Variants in LARP4B observed in about 807,000 individuals in gnomAD.
LARP4B encodes the protein la-related protein 4B.
In LARP4B, 12 loss-of-function variants were observed where a neutral mutation model predicts 89.8. The observed-to-expected ratio is 0.13, with a 90% CI of 0.09 to 0.22. The LOEUF is 0.22. Among genes scored for constraint, LARP4B ranks in the 10% least tolerant of loss-of-function variants. LARP4B has a pLI of 1.00. For synonymous variants in LARP4B, 367 were observed against 363.3 expected, an observed-to-expected ratio of 1.01 and a Z score of -0.12; for missense variants, 757 against 947.7, an observed-to-expected ratio of 0.80 and a Z score of 2.64.
chr10:816,761 G>A (rs1311771760), intron 15 of LARP4B, among the ~76,000 whole-genome samples: 1 of 152,190 alleles, frequency 6.6e-6, no homozygotes, highest in African/African-American at 2.4e-5. Context: ...ACAGGAGCAT[G>A]ACCATCTACC....
chr10:836,068 T>C, intron 8 of LARP4B, among the ~76,000 whole-genome samples: 1 of 108,018 alleles, frequency 9.3e-6, no homozygotes, highest in South Asian at 2.4e-4. Context: ...TTTTGAAAAG[T>C]TTTTTTTATC....
At chr10:941,363 G>A in the LARP4B span, among the ~76,000 whole-genome samples, 2 of 152,208 alleles carry the variant, frequency 1.3e-5, no homozygotes, top group African/African-American at 4.8e-5. Flanking sequence ...CGCCCAGGCT[G>A]GAGTGCAGTG....
the LARP4B span, among the ~76,000 whole-genome samples, chr10:964,420 C>A: frequency 2.5e-5 from 1 of 39,382 alleles, no homozygotes; most frequent in African/African-American, 7.7e-5. Context: ...TTAGTTATAT[C>A]TGTTTTTTTT....
chr10:986,167 A>G, the LARP4B span: 4 of 152,372 alleles, frequency 2.6e-5, no homozygotes, highest in Admixed American at 1.3e-4. Flanking sequence ...AAAACAGAAA[A>G]GACCAAACCC....
chr10:825,238 T>C lies in LARP4B; in HGVS notation c.1311A>G (p.Ile437Met). ...TTAATCGATCTGCAGTGAAGTTAAA[T>C]ATTGAAGGACTTTCTAATAACCCAG... ...RGPGLLESPS[I>M]FNFTADRLIN... Residue 437 changes from isoleucine (I) to methionine (M), a missense_variant, in exon 13 of 18, where the codon ATA becomes ATG. Ile to Met is a conservative substitution (Grantham distance 10). Coordinates refer to ENST00000316157, the MANE Select transcript of LARP4B (RefSeq NM_015155.3). 6.2e-7 allele frequency: 1 copy of C among 1,614,234 alleles called. No individual in the cohort carries two copies. The highest frequency in any genetic ancestry group is 8.5e-7 in the Non-Finnish European group (1 of 1,180,040).
the LARP4B span, among the ~76,000 whole-genome samples, chr10:950,949 T>C: frequency 6.6e-6 from 1 of 152,086 alleles, no homozygotes; most frequent in Non-Finnish European, 1.5e-5. Flanking sequence ...AGGGGACAGC[T>C]TCTTTCCGTC....
chr10:842,407 A>G (rs1207352739), intron 7 of LARP4B, among the ~76,000 whole-genome samples: 1 of 152,120 alleles, frequency 6.6e-6, no homozygotes, highest in Non-Finnish European at 1.5e-5. Context: ...CATGTTGGCC[A>G]AGACAGTCTC....
At chr10:965,391 C>A in the LARP4B span, among the ~76,000 whole-genome samples, 1 of 152,148 alleles carries the variant, frequency 6.6e-6, no homozygotes, top group Non-Finnish European at 1.5e-5. Context: ...CATTTCCCCA[C>A]CTCTGTGCGG....
intron 1 of LARP4B, among the ~76,000 whole-genome samples, chr10:900,105 G>A (rs546307679): frequency 6.6e-5 from 10 of 152,206 alleles, no homozygotes; most frequent in African/African-American, 2.4e-4. Flanking sequence ...CACCACTTTG[G>A]GAGGCCGAGG....
chr10:877,277 A>G lies in LARP4B; in HGVS notation c.141+7170T>C, dbSNP rs187875094. ...GTGTCTGTAGTACCAGCTACTTGGG[A>G]GGCTGAGGTAGGAGGATAACTTGAG... On this transcript the variant is annotated intron_variant, in intron 3 of 17. Coordinates refer to ENST00000316157, the MANE Select transcript of LARP4B (RefSeq NM_015155.3). 1.4e-4 allele frequency among the ~76,000 whole-genome samples: 21 copies of G among 152,292 alleles called. No individual in the cohort carries two copies. In the East Asian group the frequency reaches 3.1e-3, roughly 22 times the overall value.
chr10:895,174 A>G (rs1836148672), intron 1 of LARP4B, among the ~76,000 whole-genome samples: 1 of 152,198 alleles, frequency 6.6e-6, no homozygotes, highest in Non-Finnish European at 1.5e-5. Flanking sequence ...CAACAGAGTG[A>G]GACTCAGTCT....
At chr10:868,606 T>C (rs981024563) in intron 3 of LARP4B, among the ~76,000 whole-genome samples, 3 of 152,258 alleles carry the variant, frequency 2.0e-5, no homozygotes, top group Non-Finnish European at 2.9e-5. Context: ...CTGAAAATTA[T>C]GTCACTTCTG....
intron 1 of LARP4B, among the ~76,000 whole-genome samples, chr10:902,949 C>A (rs1016103348): frequency 1.3e-5 from 2 of 152,150 alleles, no homozygotes; most frequent in East Asian, 1.9e-4. Context: ...GGCATAAAAT[C>A]TTTTTAATAC....
chr10:959,445 AT>A, the LARP4B span, among the ~76,000 whole-genome samples: 13 of 65,730 alleles, frequency 2.0e-4, no homozygotes, highest in South Asian at 5.9e-4. Context: ...CTCCCCATCA[AT>A]CCACCTCCCC....
Position 930,984 on chromosome 10 carries a change from G to A in LARP4B, c.-40+444C>T, listed in dbSNP as rs375133750. Reference sequence around the variant, plus strand: ...GCGACCCCGGCCCCGCCCAGGCCCTGCCCGACCCCCGTCCTCGCCGGCCTT... The same window carrying A: ...GCGACCCCGGCCCCGCCCAGGCCCTACCCGACCCCCGTCCTCGCCGGCCTT... On this transcript the variant is annotated intron_variant, in intron 1 of 17. Coordinates refer to ENST00000316157, the MANE Select transcript of LARP4B (RefSeq NM_015155.3). 2.1e-3 allele frequency among the ~76,000 whole-genome samples: 316 copies of A among 148,786 alleles called. 8 individuals carry two copies. The East Asian group carries it at 0.058, about 27-fold the overall frequency.
At chr10:902,332 C>A (rs1451738552) in intron 1 of LARP4B, among the ~76,000 whole-genome samples, 3 of 152,212 alleles carry the variant, frequency 2.0e-5, no homozygotes, top group African/African-American at 7.2e-5. Context: ...TGCAGCAGTG[C>A]GAATCATGGC....
chr10:886,617 T>C (rs1789017999), intron 1 of LARP4B, among the ~76,000 whole-genome samples: 1 of 152,194 alleles, frequency 6.6e-6, no homozygotes, highest in Admixed American at 6.5e-5. Context: ...TGCTATGGAA[T>C]TATGTATTAT....
In LARP4B at chr10:905,697, A is replaced by AGGGAAGGAGCTGAGGAGC. The variant is rs1836471848; in HGVS notation, c.-39-19938_-39-19937insGCTCCTCAGCTCCTTCCC. On this transcript the variant is annotated intron_variant, in intron 1 of 17. Transcript: ENST00000316157. The stretch of plus-strand genomic sequence containing the variant: ...AGGAGCAAGGGAGGAGCTGAGGAGC[A>AGGGAAGGAGCTGAGGAGC]AGGGAGGAGCTGAGGAGCAGGGAAG... Among the ~76,000 whole-genome samples the AGGGAAGGAGCTGAGGAGC allele has an allele frequency of 2.7e-5, 4 of 149,042 alleles. No homozygotes were observed. The South Asian group carries it at 8.5e-4, about 32-fold the overall frequency.
At chr10:873,986 C>T (rs1835351290) in intron 3 of LARP4B, among the ~76,000 whole-genome samples, 1 of 152,178 alleles carries the variant, frequency 6.6e-6, no homozygotes, top group Non-Finnish European at 1.5e-5. Flanking sequence ...AATCCCAGCA[C>T]TTTGGGAGGC....
Sources: allele counts gnomAD v4.1 joint callset (sites outside exome capture counted in the v4.1 genomes callset), GRCh38; gene constraint gnomAD v4.1.1; transcripts MANE v1.5; gene names NCBI Gene and HGNC (gene_info 2026-07-23, HGNC 2026-07-21).